The following PTGFRN variants were observed in gnomAD, a reference collection of about 807,000 sequenced individuals.
PTGFRN encodes prostaglandin F2 receptor inhibitor.
A neutral mutation model predicts 83.2 loss-of-function variants in PTGFRN; 35 were observed. That is an observed-to-expected ratio of 0.42 (90% CI 0.32 to 0.56). The LOEUF (loss-of-function observed/expected upper bound fraction) is 0.56, where lower values mean the gene tolerates loss of function less well. PTGFRN is among the 20% of genes least tolerant of loss of function. The probability of loss-of-function intolerance (pLI) is 0.11; values close to 1 mark genes in which losing one functional copy is unlikely to be tolerated. For synonymous variants in PTGFRN, 519 were observed against 498.6 expected (o/e 1.04, Z -0.55); for missense variants, 1,051 against 1,179.5 (o/e 0.89, Z 1.60).
chr1:116,977,906 C>T (rs1423738864), intron 7 of PTGFRN, among the ~76,000 whole-genome samples: 1 of 152,066 alleles, frequency 6.6e-6, no homozygotes, highest in Non-Finnish European at 1.5e-5. Flanking sequence ...ACACAAAAAA[C>T]CCTTCAAAAA....
At chr1:116,921,123 C>CTCAG (rs1649526223) in intron 1 of PTGFRN, among the ~76,000 whole-genome samples, 1 of 152,214 alleles carries the variant, frequency 6.6e-6, no homozygotes, top group African/African-American at 2.4e-5. Context: ...TGTGTATGAG[C>CTCAG]TCAGTCCTTA....
chr1:116,942,087 C>T lies in PTGFRN; in HGVS notation c.418+4C>T, dbSNP rs371724237. ...GAGGACACAGTGCAGGTTAAAGGTA[C>T]AGTCCTCACATGGGCTTGTTATGCC... On this transcript the variant is annotated splice_donor_region_variant and intron_variant, in intron 2 of 8. Coordinates refer to ENST00000393203, the MANE Select transcript of PTGFRN (RefSeq NM_020440.4). The T allele has an allele frequency of 3.4e-4, 550 of 1,604,260 alleles. 9 individuals are homozygous for T. The South Asian group carries it at 5.4e-3, about 16-fold the overall frequency.
intron 6 of PTGFRN, among the ~76,000 whole-genome samples, chr1:116,973,614 A>C: frequency 6.6e-6 from 1 of 151,954 alleles, no homozygotes; most frequent in East Asian, 1.9e-4. Flanking sequence ...CAAAAAAAAA[A>C]AAAAAAAAAG....
intron 2 of PTGFRN, among the ~76,000 whole-genome samples, chr1:116,944,367 A>T (rs772255099): frequency 3.9e-5 from 6 of 152,212 alleles, no homozygotes; most frequent in Non-Finnish European, 8.8e-5. Context: ...CCTTTTAGGA[A>T]ACTGAGGCAC....
At chr1:116,933,584 TC>T (rs1353943965) in intron 1 of PTGFRN, among the ~76,000 whole-genome samples, 1 of 152,234 alleles carries the variant, frequency 6.6e-6, no homozygotes, top group African/African-American at 2.4e-5. Flanking sequence ...TTATGTTCCC[TC>T]TATTTGAAGA....
Position 116,944,760 on chromosome 1 carries a change from TGC to T in PTGFRN, c.503_504del (p.Arg168LeufsTer123). The T allele has an allele frequency of 6.6e-7, 1 of 1,519,250 alleles. No individual in the cohort carries two copies. Among genetic ancestry groups the T allele is most frequent in the Non-Finnish European group, 8.8e-7 (1 of 1,140,218 alleles). The allele number at this position is 1,519,250 out of a possible 1,614,324, so 94.1% of individuals were successfully genotyped here. A position where few individuals can be genotyped will look rare whatever the true frequency, so the allele number is the denominator to read the frequency against. On this transcript the variant is annotated frameshift_variant, in exon 3 of 9. Transcript: ENST00000393203. LOFTEE classifies it high-confidence loss of function. ...CTGCGGGAGGGGGAGCCCTTCGAGC[TGC>T]GCTGCACCGCCGCCTCCGCCTCGCC...
chr1:116,983,188 C>T (rs4659326), intron 7 of PTGFRN, among the ~76,000 whole-genome samples: 28,675 of 152,130 alleles, frequency 0.19, 3,391 homozygotes, highest in South Asian at 0.29. Context: ...TTGGGGAACT[C>T]GCCCAGGTCA....
rs748521748 is a variant in PTGFRN, at chr1:116,941,698, A to G, written c.50-17A>G. 6.3e-6 allele frequency: 10 copies of G among 1,592,462 alleles called. No homozygotes were observed. The highest frequency in any genetic ancestry group is 7.7e-6 in the Non-Finnish European group (9 of 1,168,108). On this transcript the variant is annotated splice_polypyrimidine_tract_variant and intron_variant, in intron 1 of 8. Transcript: ENST00000393203. The surrounding 1 kb of genome is among the most constrained non-coding windows in gnomAD (Gnocchi z 5.0). ...TTCTGTGATTAAAGACCTGCCTTTCATCTTTTATCATTGCAGCTCTTTGCC... is the reference window on the plus strand; with the variant it reads ...TTCTGTGATTAAAGACCTGCCTTTCGTCTTTTATCATTGCAGCTCTTTGCC...
chr1:116,926,117 C>T (rs1183962717), intron 1 of PTGFRN, among the ~76,000 whole-genome samples: 1 of 152,184 alleles, frequency 6.6e-6, no homozygotes, highest in Non-Finnish European at 1.5e-5. Flanking sequence ...GAGGAGCAGA[C>T]AGTGGATCTA....
intron 1 of PTGFRN, among the ~76,000 whole-genome samples, chr1:116,914,308 C>T (rs772849022): frequency 7.2e-5 from 11 of 152,152 alleles, no homozygotes; most frequent in Non-Finnish European, 1.0e-4. Context: ...TTTCTGCACA[C>T]GTTCTATTGG....
chr1:116,941,754 C>T lies in PTGFRN; in HGVS notation c.89C>T (p.Thr30Ile), dbSNP rs1475176370. Residue 30 changes from threonine (T) to isoleucine (I), a missense_variant, in exon 2 of 9, where the codon ACC (threonine) becomes ATC (isoleucine). By Grantham distance (89) the Thr-to-Ile change is moderately conservative. Coordinates refer to ENST00000393203, the MANE Select transcript of PTGFRN (RefSeq NM_020440.4). This position sits in a 1 kb window ranked among gnomAD's most constrained non-coding sequence, Gnocchi z 5.0. ...RGRVVRVPTA[T>I]LVRVVGTELV... ...CGTGTGGTGAGAGTCCCCACAGCGA[C>T]CCTGGTTCGAGTGGTGGGCACTGAG... The T allele has an allele frequency of 5.0e-6, 8 of 1,614,102 alleles. No individual in the cohort carries two copies. The highest frequency in any genetic ancestry group is 6.8e-6 in the Non-Finnish European group (8 of 1,179,998).
intron 1 of PTGFRN, among the ~76,000 whole-genome samples, chr1:116,933,217 G>A (rs923263585): frequency 6.6e-6 from 1 of 152,078 alleles, no homozygotes; most frequent in South Asian, 2.1e-4. Flanking sequence ...GATTAATCAA[G>A]TATTTTTTAT....
chr1:116,982,908 C>T (rs544124959), intron 7 of PTGFRN, among the ~76,000 whole-genome samples: 2 of 152,292 alleles, frequency 1.3e-5, no homozygotes, highest in African/African-American at 4.8e-5. Flanking sequence ...CAGCCAGTAC[C>T]TGCAGTGGCC....
chr1:116,937,246 C>G (rs1239533200), intron 1 of PTGFRN, among the ~76,000 whole-genome samples: 2 of 152,210 alleles, frequency 1.3e-5, no homozygotes, highest in East Asian at 3.8e-4. Flanking sequence ...CAAAAACGGC[C>G]AGGTCCTGTA....
chr1:116,965,372 C>G (rs974077811), intron 5 of PTGFRN, among the ~76,000 whole-genome samples: 4 of 152,188 alleles, frequency 2.6e-5, no homozygotes, highest in Non-Finnish European at 5.9e-5. Context: ...CATCATAACT[C>G]GTTGTCGCCT....
chr1:116,978,355 C>T (rs1362886647), intron 7 of PTGFRN, among the ~76,000 whole-genome samples: 1 of 152,070 alleles, frequency 6.6e-6, no homozygotes, highest in Non-Finnish European at 1.5e-5. Context: ...AGAGGGAATC[C>T]TCCCTAACTC....
At chr1:116,971,010 G>C (rs890169786) in intron 6 of PTGFRN, among the ~76,000 whole-genome samples, 1 of 152,096 alleles carries the variant, frequency 6.6e-6, no homozygotes, top group African/African-American at 2.4e-5. Flanking sequence ...TTTTTTCTTC[G>C]TAATATATAG....
intron 7 of PTGFRN, among the ~76,000 whole-genome samples, chr1:116,984,049 A>G (rs1180923911): frequency 6.6e-6 from 1 of 152,194 alleles, no homozygotes; most frequent in East Asian, 1.9e-4. Flanking sequence ...ACTCTCTGGG[A>G]CTGTTAAACT....
intron 1 of PTGFRN, among the ~76,000 whole-genome samples, chr1:116,917,228 C>A (rs184476007): frequency 1.3e-5 from 2 of 152,148 alleles, no homozygotes; most frequent in African/African-American, 4.8e-5. Flanking sequence ...CAGAAACGAT[C>A]GCCCACCTTT....
Sources: allele counts gnomAD v4.1 joint callset (sites outside exome capture counted in the v4.1 genomes callset), GRCh38; gene constraint gnomAD v4.1.1; non-coding constraint Gnocchi (gnomAD v3.1); transcripts MANE v1.5; gene names NCBI Gene and HGNC (gene_info 2026-07-23, HGNC 2026-07-21).